The following DLGAP2 variants were observed in gnomAD, a reference collection of about 807,000 sequenced individuals.
DLGAP2 encodes the protein disks large-associated protein 2.
DLGAP2 carries 26 observed loss-of-function variants against 100.3 expected under a neutral mutation model. The observed-to-expected ratio is 0.26, with a 90% CI of 0.19 to 0.36. DLGAP2 has a LOEUF of 0.36. Among genes scored for constraint, DLGAP2 ranks in the 10% least tolerant of loss-of-function variants. The pLI, the probability that DLGAP2 is intolerant of heterozygous loss-of-function variation, is 1.00. For synonymous variants in DLGAP2, 886 were observed against 630.1 expected, an observed-to-expected ratio of 1.41 and a Z score of -6.08; for missense variants, 1,858 against 1,453.2, an observed-to-expected ratio of 1.28 and a Z score of -4.53.
intron 3 of DLGAP2, among the ~76,000 whole-genome samples, chr8:1,498,452 G>T (rs750618365): frequency 6.6e-6 from 1 of 152,058 alleles, no homozygotes; most frequent in African/African-American, 2.4e-5. Context: ...TGATGTGCCC[G>T]AGTCAGGTTG....
chr8:966,669 T>C (rs572779924), intron 2 of DLGAP2, among the ~76,000 whole-genome samples: 1 of 152,348 alleles, frequency 6.6e-6, no homozygotes, highest in South Asian at 2.1e-4. Context: ...TTATCTTTTA[T>C]CCTCTTTCAC....
At chr8:1,232,316 G>A (rs533581263) in intron 2 of DLGAP2, among the ~76,000 whole-genome samples, 17 of 152,340 alleles carry the variant, frequency 1.1e-4, no homozygotes, top group African/African-American at 4.1e-4. Context: ...GAGTGGGGGT[G>A]TCTTCCTCTG....
chr8:1,618,751 T>A (rs1196859312), intron 6 of DLGAP2, among the ~76,000 whole-genome samples: 2 of 152,118 alleles, frequency 1.3e-5, no homozygotes, highest in Non-Finnish European at 2.9e-5. Context: ...TTGTCTCTCA[T>A]TGGGGGGATC....
At chr8:1,028,737 C>A (rs573807972) in intron 2 of DLGAP2, among the ~76,000 whole-genome samples, 2 of 152,194 alleles carry the variant, frequency 1.3e-5, no homozygotes, top group African/African-American at 4.8e-5. Flanking sequence ...TCAACCATGG[C>A]GGGGAATTTG....
In DLGAP2 at chr8:1,701,562, C is replaced by A; in HGVS notation, c.*156C>A. ...GGACACAGCGGGACGCGGCCGGCGG[C>A]CTCAGAGTCCACGGAGCTCGCGGCG... On this transcript the variant is annotated 3_prime_UTR_variant, in exon 15 of 15. Transcript: ENST00000637795. 1.3e-6 allele frequency: 1 copy of A among 772,998 alleles called. No individual in the cohort carries two copies. The highest frequency in any genetic ancestry group is 2.0e-6 in the Non-Finnish European group (1 of 498,422). The allele number at this position is 772,998 out of a possible 1,614,324, so 47.9% of individuals were successfully genotyped here. A position where few individuals can be genotyped will look rare whatever the true frequency, so the allele number is the denominator to read the frequency against.
intron 2 of DLGAP2, among the ~76,000 whole-genome samples, chr8:1,173,082 T>C (rs546840765): frequency 6.6e-6 from 1 of 152,334 alleles, no homozygotes; most frequent in East Asian, 1.9e-4. Flanking sequence ...TTTCTGTTTG[T>C]TAGTTTTCCT....
chr8:1,344,389 G>A (rs1355361539), intron 3 of DLGAP2, among the ~76,000 whole-genome samples: 1 of 152,200 alleles, frequency 6.6e-6, no homozygotes, highest in Non-Finnish European at 1.5e-5. Flanking sequence ...CTCCAGAGAG[G>A]TCTAGTGTCA....
intron 3 of DLGAP2, among the ~76,000 whole-genome samples, chr8:1,480,620 C>G (rs1009379370): frequency 2.6e-5 from 4 of 151,190 alleles, no homozygotes; most frequent in South Asian, 2.1e-4. Flanking sequence ...GAGGCCGAGG[C>G]GGGCGGATCA....
chr8:1,631,432 C>T lies in DLGAP2; in HGVS notation c.1591-1395C>T, dbSNP rs138602760. On this transcript the variant is annotated intron_variant, in intron 7 of 14. Coordinates refer to ENST00000637795, the MANE Select transcript of DLGAP2 (RefSeq NM_001346810.2). ...TCTAAGACTTTTCCATAAAATTCTA[C>T]ATAAGTGAAAACTTACATTGGAAGA... Among the ~76,000 whole-genome samples, 93 of 152,252 alleles carry T rather than the reference C, an allele frequency of 6.1e-4. 1 individual carries two copies. Among genetic ancestry groups the T allele is most frequent in the Middle Eastern group, 6.8e-3 (2 of 294 alleles).
chr8:1,031,738 G>A (rs549238391), intron 2 of DLGAP2, among the ~76,000 whole-genome samples: 4 of 152,294 alleles, frequency 2.6e-5, no homozygotes, highest in East Asian at 3.9e-4. Context: ...CACTGATGCC[G>A]AAGTATGGAA....
intron 2 of DLGAP2, among the ~76,000 whole-genome samples, chr8:1,212,531 G>C (rs1323211281): frequency 1.3e-5 from 2 of 152,182 alleles, no homozygotes; most frequent in Non-Finnish European, 2.9e-5. Context: ...TGAAATCTCA[G>C]TGTCCACACA....
intron 3 of DLGAP2, among the ~76,000 whole-genome samples, chr8:1,349,887 A>G (rs1274227763): frequency 3.3e-5 from 5 of 152,224 alleles, no homozygotes; most frequent in African/African-American, 1.2e-4. Context: ...TAGACTGTTT[A>G]TCTTTGTTTA....
intron 1 of DLGAP2, among the ~76,000 whole-genome samples, chr8:835,941 C>T (rs543882511): frequency 6.6e-6 from 1 of 152,212 alleles, no homozygotes; most frequent in African/African-American, 2.4e-5. Context: ...ATGTATCAAA[C>T]GCAGACCTTT....
At chr8:1,700,598 A>G (rs1563071430) in intron 14 of DLGAP2, among the ~76,000 whole-genome samples, 1 of 150,970 alleles carries the variant, frequency 6.6e-6, no homozygotes, top group East Asian at 1.9e-4. Context: ...GCTAAGGGTG[A>G]GAAATACTTG....
chr8:1,275,445 C>T (rs1328084432), intron 3 of DLGAP2, among the ~76,000 whole-genome samples: 2 of 151,446 alleles, frequency 1.3e-5, no homozygotes, highest in Admixed American at 1.3e-4. Flanking sequence ...AGGCCTTGGA[C>T]ACTGGTCCTG....
At chr8:1,446,532 TC>T (rs1797990599) in intron 3 of DLGAP2, among the ~76,000 whole-genome samples, 1 of 152,202 alleles carries the variant, frequency 6.6e-6, no homozygotes, top group Admixed American at 6.5e-5. Context: ...GTGTGATGCC[TC>T]CAGCTTTGTT....
chr8:1,339,878 T>G (rs1585276161), intron 3 of DLGAP2, among the ~76,000 whole-genome samples: 2 of 152,214 alleles, frequency 1.3e-5, no homozygotes. Flanking sequence ...TTTTTATCTC[T>G]GGGATCCTGT....
intron 2 of DLGAP2, among the ~76,000 whole-genome samples, chr8:919,230 G>T (rs1470056071): frequency 6.6e-6 from 1 of 152,196 alleles, no homozygotes; most frequent in Non-Finnish European, 1.5e-5. Flanking sequence ...GGAAGGAGTT[G>T]TGCACATAAT....
At chr8:1,095,171 G>A (rs1804326818) in intron 2 of DLGAP2, among the ~76,000 whole-genome samples, 2 of 152,100 alleles carry the variant, frequency 1.3e-5, no homozygotes, top group Admixed American at 1.3e-4. Context: ...GGAGGGAGAT[G>A]AAGATGCCGT....
Sources: allele counts gnomAD v4.1 joint callset (sites outside exome capture counted in the v4.1 genomes callset), GRCh38; gene constraint gnomAD v4.1.1; transcripts MANE v1.5; gene names NCBI Gene and HGNC (gene_info 2026-07-23, HGNC 2026-07-21).